CCN4: variants seen among roughly 807,000 people sequenced by gnomAD.
CCN4 encodes the protein CCN family member 4.
A neutral mutation model predicts 36.7 loss-of-function variants in CCN4; 30 were observed. The observed-to-expected ratio is 0.82, with a 90% CI of 0.61 to 1.11. CCN4 has a LOEUF of 1.11. CCN4 is among the 50% of genes least tolerant of loss of function. The pLI is 0.00. For missense variants in CCN4, 505 were observed against 504.9 expected, an observed-to-expected ratio of 1.00 and a Z score of 0.00; for synonymous variants, 191 against 195.4, an observed-to-expected ratio of 0.98 and a Z score of 0.19.
chr8:133,225,594 A>G lies in CCN4; in HGVS notation c.804+11A>G, dbSNP rs774695684. 3 of 1,567,676 alleles carry G rather than the reference A, an allele frequency of 1.9e-6. No homozygotes were observed. In the Admixed American group the frequency reaches 5.2e-5, roughly 27 times the overall value. ...CATACACTCATTAAGGTGGGTCCAG[A>G]GCAGGTGTGGATGTCTAGACTTCAC... On this transcript the variant is annotated intron_variant, in intron 4 of 4. Coordinates refer to ENST00000250160, the MANE Select transcript of CCN4 (RefSeq NM_003882.4).
At chr8:133,207,997 T>TTTTTTTG (rs990050915) in intron 1 of CCN4, among the ~76,000 whole-genome samples, 2 of 150,956 alleles carry the variant, frequency 1.3e-5, no homozygotes, top group African/African-American at 4.9e-5. Context: ...TTCAGCTGTT[T>TTTTTTTG]TTTTTTTTTT....
Position 133,220,808 on chromosome 8 carries a change from C to G in CCN4, c.577C>G (p.Arg193Gly), listed in dbSNP as rs756892752. 1.2e-6 allele frequency: 2 copies of G among 1,608,198 alleles called. No homozygotes were observed. Among genetic ancestry groups the G allele is most frequent in the Non-Finnish European group, 1.7e-6 (2 of 1,176,808 alleles). The change falls in exon 3 of 5, where the codon CGC becomes GGC. Residue 193 changes from arginine (R) to glycine (G), a missense_variant. Physicochemically the swap from Arg to Gly is moderately radical, Grantham distance 125. Transcript: ENST00000250160. The stretch of plus-strand genomic sequence containing the variant: ...ATGTGAGGACGACGCCAAGAGGCCA[C>G]GCAAGACCGCACCCCGTGACACAGG... ...WVCEDDAKRP[R>G]KTAPRDTGAF...
At chr8:133,202,182 G>A (rs1259812824) in intron 1 of CCN4, among the ~76,000 whole-genome samples, 1 of 152,204 alleles carries the variant, frequency 6.6e-6, no homozygotes, top group Non-Finnish European at 1.5e-5. Flanking sequence ...TAAAATGACT[G>A]AAAATGGGAG....
chr8:133,225,043 TA>T (rs1419327273), intron 3 of CCN4, among the ~76,000 whole-genome samples: 1 of 152,170 alleles, frequency 6.6e-6, no homozygotes, highest in African/African-American at 2.4e-5. Context: ...AGGCAGGTGT[TA>T]TTGTTCTAAT....
chr8:133,223,855 C>G (rs1219878364), intron 3 of CCN4, among the ~76,000 whole-genome samples: 1 of 152,186 alleles, frequency 6.6e-6, no homozygotes, highest in Non-Finnish European at 1.5e-5. Context: ...CTGCTTTGGT[C>G]TCGAGCTCAC....
intron 2 of CCN4, among the ~76,000 whole-genome samples, chr8:133,218,692 A>G (rs2130603243): frequency 6.6e-6 from 1 of 152,206 alleles, no homozygotes; most frequent in East Asian, 1.9e-4. Context: ...TTGGGTGGCC[A>G]CTCATGATGT....
At position 133,227,687 on chromosome 8, in the gene CCN4, G is replaced by A; in HGVS notation, c.1081G>A (p.Asp361Asn). 6.2e-7 allele frequency: 1 copy of A among 1,613,206 alleles called. No individual in the cohort carries two copies. The highest frequency in any genetic ancestry group is 8.5e-7 in the Non-Finnish European group (1 of 1,179,288). ...DIFADLESYP[D>N]FSEIAN ...CTTTGCTGACTTGGAATCCTACCCT[G>A]ACTTCTCAGAAATTGCCAACTAGGC... Residue 361 changes from aspartate to asparagine, a missense_variant, in exon 5 of 5, where the codon GAC becomes AAC. Coordinates refer to ENST00000250160, the MANE Select transcript of CCN4 (RefSeq NM_003882.4).
At chr8:133,208,884 G>A (rs1424027354) in intron 1 of CCN4, among the ~76,000 whole-genome samples, 5 of 152,146 alleles carry the variant, frequency 3.3e-5, no homozygotes, top group Non-Finnish European at 7.3e-5. Flanking sequence ...GCTGACTACA[G>A]GTGTGTTGAA....
intron 1 of CCN4, among the ~76,000 whole-genome samples, chr8:133,204,775 G>A (rs1355371124): frequency 2.0e-5 from 3 of 152,142 alleles, no homozygotes; most frequent in Non-Finnish European, 2.9e-5. Flanking sequence ...GGCTGGTCTC[G>A]ACCTCCTTGA....
chr8:133,205,567 G>A (rs1268465198), intron 1 of CCN4, among the ~76,000 whole-genome samples: 1 of 152,118 alleles, frequency 6.6e-6, no homozygotes, highest in African/African-American at 2.4e-5. Flanking sequence ...GCTCATGGTG[G>A]GTAAGAAGAT....
chr8:133,194,801 T>G (rs1853304268), intron 1 of CCN4, among the ~76,000 whole-genome samples: 2 of 132,396 alleles, frequency 1.5e-5, no homozygotes, highest in Non-Finnish European at 3.2e-5. Flanking sequence ...GTGTGTGTGG[T>G]GTTTATTGTG....
At chr8:133,214,906 G>C (rs1191873057) in intron 2 of CCN4, among the ~76,000 whole-genome samples, 1 of 152,062 alleles carries the variant, frequency 6.6e-6, no homozygotes, top group East Asian at 1.9e-4. Flanking sequence ...TTGTCCATGA[G>C]GGTTATGTAC....
intron 1 of CCN4, among the ~76,000 whole-genome samples, chr8:133,194,460 G>T (rs1853251108): frequency 1.2e-5 from 1 of 85,934 alleles, no homozygotes; most frequent in East Asian, 4.8e-4. Flanking sequence ...TGTGGTATGT[G>T]TGTGGGGTGT....
rs748109661 is a variant in CCN4 at position 133,213,162 on chromosome 8, C to T, written c.349+19C>T. ...TGTGCACGTAAGTGAGTCCTCCATA[C>T]CTTCTGACCAGCCCCTGAGCACCCC... On this transcript the variant is annotated intron_variant, in intron 2 of 4. Coordinates refer to ENST00000250160, the MANE Select transcript of CCN4 (RefSeq NM_003882.4). 22 of 1,582,038 alleles carry T rather than the reference C, an allele frequency of 1.4e-5. No homozygotes were observed. Among genetic ancestry groups the T allele is most frequent in the East Asian group, 1.1e-4 (5 of 44,066 alleles).
chr8:133,222,241 G>A (rs932209094), intron 3 of CCN4, among the ~76,000 whole-genome samples: 14 of 152,182 alleles, frequency 9.2e-5, no homozygotes, highest in African/African-American at 2.7e-4. Context: ...ACAGACACAA[G>A]AGGCATTGCT....
At chr8:133,195,478 G>C (rs976846221) in intron 1 of CCN4, among the ~76,000 whole-genome samples, 1 of 151,982 alleles carries the variant, frequency 6.6e-6, no homozygotes, top group Non-Finnish European at 1.5e-5. Flanking sequence ...CTCCTGTTTA[G>C]AGTTGGAATC....
Position 133,227,447 on chromosome 8 carries a change from G to A in CCN4, c.841G>A (p.Ala281Thr). The change falls in exon 5 of 5, where the codon GCA (alanine) becomes ACA (threonine). Residue 281 changes from alanine to threonine, a missense_variant. Transcript: ENST00000250160. ...GTGTCTGGCTGTGTACCAGCCAGAG[G>A]CATCCATGAACTTCACACTTGCGGG... ...KKCLAVYQPE[A>T]SMNFTLAGCI... The A allele has an allele frequency of 3.1e-6, 5 of 1,614,066 alleles. No homozygotes were observed. Among genetic ancestry groups the A allele is most frequent in the Non-Finnish European group, 4.2e-6 (5 of 1,179,994 alleles).
chr8:133,206,135 A>G (rs891461123), intron 1 of CCN4, among the ~76,000 whole-genome samples: 2 of 152,174 alleles, frequency 1.3e-5, no homozygotes, highest in African/African-American at 2.4e-5. Context: ...TGGTTTACCT[A>G]TGGAGCCACA....
In CCN4 at chr8:133,228,163, G is replaced by A. The variant is rs565854503; in HGVS notation, c.*453G>A. The stretch of plus-strand genomic sequence containing the variant: ...TATTTGGAGCCTGCCAAGAGGTACT[G>A]TAATGGGTAATTCTGACGTCAGCGC... On this transcript the variant is annotated 3_prime_UTR_variant, in exon 5 of 5. Transcript: ENST00000250160. 19 of 158,162 alleles carry A rather than the reference G, an allele frequency of 1.2e-4. No homozygotes were observed. In the South Asian group the frequency reaches 3.7e-3, roughly 31 times the overall value. The allele number at this position is 158,162 out of a possible 1,614,324, so 9.8% of individuals were successfully genotyped here.
Sources: allele counts gnomAD v4.1 joint callset (sites outside exome capture counted in the v4.1 genomes callset), GRCh38; gene constraint gnomAD v4.1.1; transcripts MANE v1.5; gene names NCBI Gene and HGNC (gene_info 2026-07-23, HGNC 2026-07-21).